Variants in AKR1C3 observed in about 807,000 individuals in gnomAD.
AKR1C3 encodes aldo-keto reductase family 1 member C3.
Under a neutral mutation model 43.6 loss-of-function variants are expected in AKR1C3, and 48 were observed. The ratio of observed to expected loss-of-function variants is 1.10; its 90% CI spans 0.87 to 1.40. The LOEUF (loss-of-function observed/expected upper bound fraction) is 1.40. AKR1C3 is among the 40% of genes most tolerant of loss of function. The pLI, the probability that AKR1C3 is intolerant of heterozygous loss-of-function variation, is 0.00. For synonymous variants in AKR1C3, 162 were observed against 139.6 expected (o/e 1.16, Z -1.13); for missense variants, 482 against 391.2 (o/e 1.23, Z -1.96).
At position 5,098,787 on chromosome 10, in the gene AKR1C3, C is replaced by A; in HGVS notation, c.370-15C>A. The A allele has an allele frequency of 6.2e-7, 1 of 1,610,350 alleles. No individual in the cohort carries two copies. Among genetic ancestry groups the A allele is most frequent in the Non-Finnish European group, 8.5e-7 (1 of 1,177,026 alleles). ...TTAATTTGTGACATCATTAAAATGACTGCTTCTATTTCAGCCAGGTGAGGA... is the reference window on the plus strand; with the variant it reads ...TTAATTTGTGACATCATTAAAATGAATGCTTCTATTTCAGCCAGGTGAGGA... On this transcript the variant is annotated splice_polypyrimidine_tract_variant and intron_variant, in intron 3 of 8. Coordinates refer to ENST00000380554, the MANE Select transcript of AKR1C3 (RefSeq NM_003739.6).
chr10:5,080,923 A>G (rs1838823834), intron 1 of AKR1C3: 1 of 151,906 alleles, frequency 6.6e-6, no homozygotes, highest in Admixed American at 6.6e-5. Context: ...CCTCAAATTC[A>G]CTGCCCCAAG....
At chr10:5,107,248 G>A (rs1238111972) in intron 8 of AKR1C3, among the ~76,000 whole-genome samples, 2 of 151,808 alleles carry the variant, frequency 1.3e-5, no homozygotes, top group South Asian at 2.1e-4. Context: ...TGTGTTTTAC[G>A]TGTTAACTTC....
intron 1 of AKR1C3, among the ~76,000 whole-genome samples, chr10:5,077,246 C>T (rs1838735554): frequency 6.6e-6 from 1 of 152,042 alleles, no homozygotes; most frequent in Non-Finnish European, 1.5e-5. Context: ...CCCACAAGCC[C>T]TGGGTATTTT....
chr10:5,057,638 A>G (rs1838290117), intron 1 of AKR1C3, among the ~76,000 whole-genome samples: 1 of 152,070 alleles, frequency 6.6e-6, no homozygotes, highest in Non-Finnish European at 1.5e-5. Flanking sequence ...GCTTTTTTCT[A>G]ATTCTCCTTA....
intron 1 of AKR1C3, among the ~76,000 whole-genome samples, chr10:5,084,153 A>C (rs1198489676): frequency 6.6e-6 from 1 of 152,218 alleles, no homozygotes; most frequent in Non-Finnish European, 1.5e-5. Context: ...GTCCTTGCCC[A>C]AGCCTATGTC....
chr10:5,077,905 T>C (rs942723839), intron 1 of AKR1C3: 4 of 627,400 alleles, frequency 6.4e-6, no homozygotes, highest in Non-Finnish European at 8.4e-6. Context: ...ATCAGAATCA[T>C]CTCTTTTGAA....
intron 1 of AKR1C3, among the ~76,000 whole-genome samples, chr10:5,069,462 CAA>C (rs1838575779): frequency 6.6e-6 from 1 of 152,176 alleles, no homozygotes; most frequent in African/African-American, 2.4e-5. Flanking sequence ...CTGAATTATA[CAA>C]AGTTATTCTT....
chr10:5,098,660 A>G (rs1839272976), intron 3 of AKR1C3, 142 bp from the exon 4 acceptor site: 2 of 675,606 alleles, frequency 3.0e-6, no homozygotes, highest in Non-Finnish European at 5.2e-6. Flanking sequence ...CTTCATATGT[A>G]AAACACTTAG....
intron 1 of AKR1C3, among the ~76,000 whole-genome samples, chr10:5,071,162 C>T (rs1838606798): frequency 6.6e-6 from 1 of 152,170 alleles, no homozygotes; most frequent in Non-Finnish European, 1.5e-5. Flanking sequence ...CTGGCTGGTT[C>T]TTACACAATA....
Position 5,088,389 on chromosome 10 carries a change from T to C in AKR1C3, c.85-8021T>C, listed in dbSNP as rs781852537. On this transcript the variant is annotated intron_variant, in intron 1 of 8. Transcript: ENST00000439082. ...AGAGTTTTTTTTTTGGCTGATTTTC[T>C]GTCTCAATGATCTGCAACATTTATA... Among the ~76,000 whole-genome samples the C allele has an allele frequency of 3.9e-5, 6 of 152,152 alleles. No homozygotes were observed. The South Asian group carries it at 1.2e-3, about 32-fold the overall frequency.
At chr10:5,096,116 A>C in intron 1 of AKR1C3, 1 of 247,474 alleles carries the variant, frequency 4.0e-6, no homozygotes, top group Middle Eastern at 1.3e-3. Flanking sequence ...CTATATTAAA[A>C]ATAATTAGGA....
In AKR1C3 at chr10:5,068,091, T is replaced by G. The variant is rs138744747; in HGVS notation, c.84+19196T>G. Among the ~76,000 whole-genome samples, 609 of 152,338 alleles carry G rather than the reference T, an allele frequency of 4.0e-3. 4 individuals carry two copies. Among genetic ancestry groups the G allele is most frequent in the African/African-American group, 0.013 (557 of 41,578 alleles). Reference sequence around the variant, plus strand: ...ATCTGACAAAGTATTTTCTTGGTATTTGATTAATTTTTTTGTTCTACTTGG... The same window carrying G: ...ATCTGACAAAGTATTTTCTTGGTATGTGATTAATTTTTTTGTTCTACTTGG... On this transcript the variant is annotated intron_variant, in intron 1 of 8. Transcript: ENST00000439082.
At chr10:5,061,659 A>G (rs1554780261) in intron 1 of AKR1C3, among the ~76,000 whole-genome samples, 1 of 152,168 alleles carries the variant, frequency 6.6e-6, no homozygotes, top group Admixed American at 6.5e-5. Context: ...TCAGGCCTGG[A>G]CCTCTGATGC....
At chr10:5,107,385 G>A in intron 8 of AKR1C3, 76 bp from the exon 9 acceptor site, 1 of 1,056,160 alleles carries the variant, frequency 9.5e-7, no homozygotes, top group East Asian at 2.5e-5. Context: ...ACTAATGACA[G>A]CTTCATTGAA....
chr10:5,055,919 G>A (rs922287415), intron 1 of AKR1C3, among the ~76,000 whole-genome samples: 4 of 152,172 alleles, frequency 2.6e-5, no homozygotes, highest in African/African-American at 7.2e-5. Context: ...AATGTCTTAG[G>A]GCAAAGATAA....
At chr10:5,084,154 A>T (rs1431221843) in intron 1 of AKR1C3, among the ~76,000 whole-genome samples, 8 of 152,026 alleles carry the variant, frequency 5.3e-5, no homozygotes, top group South Asian at 2.1e-4. Context: ...TCCTTGCCCA[A>T]GCCTATGTCC....
At chr10:5,067,482 T>C (rs1009612255) in intron 1 of AKR1C3, among the ~76,000 whole-genome samples, 52 of 152,314 alleles carry the variant, frequency 3.4e-4, no homozygotes, top group African/African-American at 1.2e-3. Context: ...GTAGTGCAGA[T>C]GGCAAGATCT....
intron 1 of AKR1C3, among the ~76,000 whole-genome samples, chr10:5,053,169 G>A (rs1588328752): frequency 6.6e-6 from 1 of 152,250 alleles, no homozygotes; most frequent in Non-Finnish European, 1.5e-5. Flanking sequence ...TTGGGTGGTT[G>A]ATGGGACTGG....
chr10:5,081,643 G>A (rs1554782363), intron 1 of AKR1C3: 2 of 152,134 alleles, frequency 1.3e-5, no homozygotes, highest in Non-Finnish European at 2.9e-5. Flanking sequence ...GCAAAATCCT[G>A]AATATTGTTC....
Sources: gnomAD v4.1 joint callset for allele counts (sites outside exome capture counted in the v4.1 genomes callset) on GRCh38, gnomAD v4.1.1 for gene constraint, MANE v1.5 for transcripts, NCBI Gene and HGNC (gene_info 2026-07-23, HGNC 2026-07-21) for gene names.